TUBB: variants seen among roughly 807,000 people sequenced by gnomAD.
TUBB encodes tubulin beta chain.
In TUBB, 2 loss-of-function variants were observed where a neutral mutation model predicts 35.1. That is an observed-to-expected ratio of 0.06 (90% CI 0.02 to 0.18). The LOEUF is 0.18. Ranked by LOEUF, TUBB falls within the 10% of genes least tolerant of loss-of-function variation. TUBB has a pLI of 1.00. For synonymous variants in TUBB, 205 were observed against 223.8 expected, an observed-to-expected ratio of 0.92 and a Z score of 0.75; for missense variants, 50 against 599.4, an observed-to-expected ratio of 0.08 and a Z score of 9.57.
Position 30,724,584 on chromosome 6 carries a change from CCTCT to C in TUBB, c.*192_*195del. 3.5e-6 allele frequency: 2 copies of C among 574,520 alleles called. No homozygotes were observed. The highest frequency in any genetic ancestry group is 6.0e-6 in the Non-Finnish European group (2 of 331,976). 35.6% of individuals were successfully genotyped at this position (574,520 alleles called of 1,614,324 possible). On this transcript the variant is annotated 3_prime_UTR_variant, in exon 4 of 4. Coordinates refer to ENST00000327892, the MANE Select transcript of TUBB (RefSeq NM_178014.4). The surrounding 1 kb of genome is among the most constrained non-coding windows in gnomAD (Gnocchi z 4.4). ...ATAAATACTTGTTTGTTGAATGTCT[CCTCT>C]CTCTTTCCACTCTGGGAAACCTAGG...
rs1391929320 is a variant in TUBB at position 30,724,073 on chromosome 6, C to T, written c.1011C>T (p.Asn337=). The T allele has an allele frequency of 6.2e-7, 1 of 1,613,550 alleles. No homozygotes were observed. Among genetic ancestry groups the T allele is most frequent in the Non-Finnish European group, 8.5e-7 (1 of 1,179,690 alleles). The change falls in exon 4 of 4, where the codon AAC becomes AAT. Residue 337 remains asparagine, a synonymous_variant. Coordinates refer to ENST00000327892, the MANE Select transcript of TUBB (RefSeq NM_178014.4). This position sits in a 1 kb window ranked among gnomAD's most constrained non-coding sequence, Gnocchi z 4.4. ...DEQMLNVQNK[N]SSYFVEWIPN... ...AGATGCTTAACGTGCAGAACAAGAACAGCAGCTACTTTGTGGAATGGATCC... is the reference window on the plus strand; with the variant it reads ...AGATGCTTAACGTGCAGAACAAGAATAGCAGCTACTTTGTGGAATGGATCC...
At position 30,724,585 on chromosome 6, in the gene TUBB, C is replaced by G. The variant is rs185378782; in HGVS notation, c.*188C>G. On this transcript the variant is annotated 3_prime_UTR_variant, in exon 4 of 4. Transcript: ENST00000327892. This position sits in a 1 kb window ranked among gnomAD's most constrained non-coding sequence, Gnocchi z 4.4. ...TAAATACTTGTTTGTTGAATGTCTC[C>G]TCTCTCTTTCCACTCTGGGAAACCT... 1.7e-6 allele frequency: 1 copy of G among 573,132 alleles called. No homozygotes were observed. The highest frequency in any genetic ancestry group is 2.9e-5 in the East Asian group (1 of 34,838). 35.5% of individuals were successfully genotyped at this position (573,132 alleles called of 1,614,324 possible).
intron 1 of TUBB, chr6:30,721,550 G>T (rs1457098150): frequency 3.0e-6 from 3 of 985,226 alleles, no homozygotes; most frequent in African/African-American, 1.7e-5. Flanking sequence ...CACGCGCGAA[G>T]TCTTTTGTCG....
chr6:30,721,989 A>G, intron 1 of TUBB: 2 of 807,582 alleles, frequency 2.5e-6, no homozygotes, highest in Non-Finnish European at 3.0e-6. Context: ...TTCTACAAAA[A>G]ATAAAAGTAA....
In TUBB at chr6:30,724,516, TG is replaced by T. The variant is rs3214320; in HGVS notation, c.*127del. The T allele has an allele frequency of 0.064, 55,146 of 860,452 alleles. 3,318 individuals carry two copies. Among genetic ancestry groups the T allele is most frequent in the African/African-American group, 0.2 (11,541 of 57,768 alleles). 53.3% of individuals were successfully genotyped at this position (860,452 alleles called of 1,614,324 possible). On this transcript the variant is annotated 3_prime_UTR_variant, in exon 4 of 4. Transcript: ENST00000327892. This position sits in a 1 kb window ranked among gnomAD's most constrained non-coding sequence, Gnocchi z 4.4. ...CTATCTTGTTTTTTGTTTTTTCTTC[TG>T]GGGGGGGTCTAGAACAGTGCCTGGC...
At chr6:30,721,723 C>T (rs937638512) in intron 1 of TUBB, 2 of 985,046 alleles carry the variant, frequency 2.0e-6, no homozygotes, top group Non-Finnish European at 2.4e-6. Context: ...TGTGGTCGAC[C>T]TCCATCCGCC....
At chr6:30,722,670 C>T (rs775894169) in intron 2 of TUBB, 25 bp downstream of exon 2, 4 of 1,587,760 alleles carry the variant, frequency 2.5e-6, no homozygotes, top group Non-Finnish European at 3.5e-6. Context: ...CCGGGCAGCT[C>T]AGGTTCCCTT....
Position 30,724,391 on chromosome 6 carries a change from G to A in TUBB, c.1329G>A (p.Glu443=). Residue 443 remains glutamate (E), a synonymous_variant, in exon 4 of 4, where the codon GAG becomes GAA. Coordinates refer to ENST00000327892, the MANE Select transcript of TUBB (RefSeq NM_178014.4). This position sits in a 1 kb window ranked among gnomAD's most constrained non-coding sequence, Gnocchi z 4.4. Reference sequence around the variant, plus strand: ...ATTTCGGTGAGGAGGCCGAAGAGGAGGCCTAAGGCAGAGCCCCCATCACCT... The same window carrying A: ...ATTTCGGTGAGGAGGCCGAAGAGGAAGCCTAAGGCAGAGCCCCCATCACCT... ...EEDFGEEAEE[E]A is the part of the protein sequence containing the mutation. 1 of 1,609,628 alleles carries A rather than the reference G, an allele frequency of 6.2e-7. No homozygotes were observed. Among genetic ancestry groups the A allele is most frequent in the African/African-American group, 1.3e-5 (1 of 74,938 alleles).
chr6:30,722,749 G>T (rs1383444977), intron 2 of TUBB, 104 bp downstream of exon 2: 2 of 1,189,502 alleles, frequency 1.7e-6, no homozygotes, highest in Non-Finnish European at 2.4e-6. Context: ...GGGTGAATCT[G>T]TCATTTTGTC....
At chr6:30,721,043 G>T (rs1269069996) in intron 1 of TUBB, among the ~76,000 whole-genome samples, 1 of 152,370 alleles carries the variant, frequency 6.6e-6, no homozygotes, top group Non-Finnish European at 1.5e-5. Context: ...AGGGTGGGCT[G>T]CGCTGGGCGC....
chr6:30,722,897 T>C, intron 2 of TUBB, 21 bp from the exon 3 acceptor site: 1 of 1,593,998 alleles, frequency 6.3e-7, no homozygotes, highest in Non-Finnish European at 8.6e-7. Flanking sequence ...ATTTCACAGC[T>C]CTTAACTTTA....
Position 30,720,408 on chromosome 6 carries a change from C to T in TUBB, c.-99C>T. ...CCTCGCTGCTCCAGCCTCTGGGGCG[C>T]ATTCCAACCTTCCAGCCTGCGACCT... On this transcript the variant is annotated 5_prime_UTR_variant, in exon 1 of 4. Transcript: ENST00000327892. 1 of 1,175,458 alleles carries T rather than the reference C, an allele frequency of 8.5e-7. No individual in the cohort carries two copies. The highest frequency in any genetic ancestry group is 2.4e-5 in the East Asian group (1 of 40,962). The allele number at this position is 1,175,458 out of a possible 1,614,324, so 72.8% of individuals were successfully genotyped here. A position where few individuals can be genotyped will look rare whatever the true frequency, so the allele number is the denominator to read the frequency against.
chr6:30,721,600 C>T, intron 1 of TUBB: 6 of 982,314 alleles, frequency 6.1e-6, no homozygotes, highest in Non-Finnish European at 7.2e-6. Context: ...ACGTGGAGGG[C>T]GGGGGGGGTG....
chr6:30,721,738 G>C, intron 1 of TUBB: 2 of 985,292 alleles, frequency 2.0e-6, no homozygotes, highest in Non-Finnish European at 2.4e-6. Flanking sequence ...TCCGCCCACC[G>C]AGCACTTGGG....
intron 1 of TUBB, 143 bp downstream of exon 1, chr6:30,720,706 A>G: frequency 1.4e-6 from 1 of 700,356 alleles, no homozygotes. Flanking sequence ...ATATATAACA[A>G]TTGTAGCTAG....
rs370980027 is a variant in TUBB at position 30,723,521 on chromosome 6, C to T, written c.459C>T (p.Ser153=). ...CTGGAATGGGCACTCTCCTTATCAG[C>T]AAGATCCGAGAAGAATACCCTGATC... ...TGSGMGTLLI[S]KIREEYPDRI... The change falls in exon 4 of 4, where the codon AGC becomes AGT. Residue 153 remains serine, a synonymous_variant. Coordinates refer to ENST00000327892, the MANE Select transcript of TUBB (RefSeq NM_178014.4). 11 of 1,614,220 alleles carry T rather than the reference C, an allele frequency of 6.8e-6. No individual in the cohort carries two copies. In the East Asian group the frequency reaches 8.9e-5, roughly 13 times the overall value.
chr6:30,722,859 T>C, intron 2 of TUBB, 59 bp from the exon 3 acceptor site: 2 of 1,421,484 alleles, frequency 1.4e-6, no homozygotes, highest in Admixed American at 1.8e-5. Flanking sequence ...CCATTTCCAG[T>C]ATATCTATAA....
In TUBB at chr6:30,724,607, A is replaced by G. The variant is rs865835101; in HGVS notation, c.*210A>G. 3.1e-5 allele frequency: 17 copies of G among 540,236 alleles called. No homozygotes were observed. Among genetic ancestry groups the G allele is most frequent in the African/African-American group, 2.7e-4 (14 of 52,680 alleles). The allele number at this position is 540,236 out of a possible 1,614,324, so 33.5% of individuals were successfully genotyped here. A position where few individuals can be genotyped will look rare whatever the true frequency, so the allele number is the denominator to read the frequency against. On this transcript the variant is annotated 3_prime_UTR_variant, in exon 4 of 4. Transcript: ENST00000327892. The surrounding 1 kb of genome is among the most constrained non-coding windows in gnomAD (Gnocchi z 4.4). ...CTCCTCTCTCTTTCCACTCTGGGAA[A>G]CCTAGGTTTCTGCCATTCTGGGTGA...
At position 30,724,021 on chromosome 6, in the gene TUBB, G is replaced by A; in HGVS notation, c.959G>A (p.Arg320Gln). The change falls in exon 4 of 4, where the codon CGG (arginine) becomes CAG (glutamine). Residue 320 changes from arginine to glutamine, a missense_variant. Coordinates refer to ENST00000327892, the MANE Select transcript of TUBB (RefSeq NM_178014.4). This position sits in a 1 kb window ranked among gnomAD's most constrained non-coding sequence, Gnocchi z 4.4. ...ACCGTGGCTGCTGTCTTCCGTGGTC[G>A]GATGTCCATGAAGGAGGTCGATGAG... ...YLTVAAVFRGRMSMKEVDEQM... is the reference protein window; with the variant it reads ...YLTVAAVFRGQMSMKEVDEQM... The A allele has an allele frequency of 1.9e-6, 3 of 1,614,134 alleles. No homozygotes were observed. Among genetic ancestry groups the A allele is most frequent in the Middle Eastern group, 1.7e-4 (1 of 6,050 alleles).
Sources: gnomAD v4.1 joint callset for allele counts (sites outside exome capture counted in the v4.1 genomes callset) on GRCh38, gnomAD v4.1.1 for gene constraint, Gnocchi (gnomAD v3.1) non-coding constraint, MANE v1.5 for transcripts, NCBI Gene and HGNC (gene_info 2026-07-23, HGNC 2026-07-21) for gene names.